The following NDOR1 variants were observed in gnomAD, a reference collection of about 807,000 sequenced individuals.
NDOR1 encodes NADPH dependent diflavin oxidoreductase 1.
Under a neutral mutation model 67.2 loss-of-function variants are expected in NDOR1, and 61 were observed. That is an observed-to-expected ratio of 0.91 (90% confidence interval 0.74 to 1.12). The LOEUF is 1.12. Among genes scored for constraint, NDOR1 ranks in the 50% most tolerant of loss-of-function variants. NDOR1 has a pLI of 0.00. For synonymous variants in NDOR1, 378 were observed against 343.7 expected (o/e 1.10, Z -1.10); for missense variants, 878 against 802.8 (o/e 1.09, Z -1.13).
rs1835593743 is a variant in NDOR1, at chr9:137,216,282, T to A, written c.1660T>A (p.Ser554Thr). The A allele has an allele frequency of 4.3e-6, 7 of 1,613,060 alleles. No individual in the cohort carries two copies. In the East Asian group the frequency reaches 1.6e-4, roughly 36 times the overall value. ...AYFYLAGNAK[S>T]MPADVSEALM... ...GACCTGCCCCTCTAGCAACGCCAAG[T>A]CCATGCCAGCGGACGTCTCGGAAGC... The change falls in exon 14 of 14, where the codon TCC becomes ACC. Residue 554 changes from serine to threonine, a missense_variant. Transcript: ENST00000684003.
chr9:137,216,361 C>T lies in NDOR1; in HGVS notation c.1739C>T (p.Ala580Val), dbSNP rs780639654. ...GGACTCTGCAGCCCGGACGCAGCCG[C>T]GTATCTAGCCAGGCTCCAGCAGACA... ...EGGLCSPDAA[A>V]YLARLQQTRR... The change falls in exon 14 of 14, where the codon GCG becomes GTG. Residue 580 changes from alanine (A) to valine (V), a missense_variant. Ala to Val is a moderately conservative substitution (Grantham distance 64, BLOSUM62 0). Coordinates refer to ENST00000684003, the MANE Select transcript of NDOR1 (RefSeq NM_014434.4). 4.2e-5 allele frequency: 67 copies of T among 1,608,700 alleles called. No individual in the cohort carries two copies. The East Asian group carries it at 8.7e-4, about 21-fold the overall frequency.
rs1322231655 is a variant in NDOR1, at chr9:137,214,047, C to T, written c.491C>T (p.Thr164Ile). 5 of 1,543,684 alleles carry T rather than the reference C, an allele frequency of 3.2e-6. No individual in the cohort carries two copies. The African/African-American group carries it at 5.5e-5, about 17-fold the overall frequency. The change falls in exon 5 of 14, where the codon ACT becomes ATT. Residue 164 changes from threonine (T) to isoleucine (I), a missense_variant. Physicochemically the swap from Thr to Ile is moderately conservative, Grantham distance 89 (BLOSUM62 -1). Transcript: ENST00000684003. Reference protein sequence around the residue: ...LGLYPPPPGLTEIPPGVPLPS... With the variant: ...LGLYPPPPGLIEIPPGVPLPS... Reference sequence around the variant, plus strand: ...CTGTACCCGCCGCCTCCGGGCCTCACTGAGATCCCTCCCGGAGTCCCGTGA... The same window carrying T: ...CTGTACCCGCCGCCTCCGGGCCTCATTGAGATCCCTCCCGGAGTCCCGTGA...
Position 137,217,150 on chromosome 9 carries a change from C to A in NDOR1, c.*734C>A. The stretch of plus-strand genomic sequence containing the variant: ...TGGGTGGGCGTCCTCTAGCTCCTCC[C>A]GGTGCCCTGGGTGCTGGGTGCTGGA... On this transcript the variant is annotated 3_prime_UTR_variant, in exon 14 of 14. Transcript: ENST00000684003. 1 of 183,744 alleles carries A rather than the reference C, an allele frequency of 5.4e-6. No individual in the cohort carries two copies. The highest frequency in any genetic ancestry group is 1.8e-4 in the East Asian group (1 of 5,428). The allele number at this position is 183,744 out of a possible 1,614,324, so 11.4% of individuals were successfully genotyped here. A position where few individuals can be genotyped will look rare whatever the true frequency, so the allele number is the denominator to read the frequency against.
chr9:137,216,531 CT>C lies in NDOR1; in HGVS notation c.*116del. On this transcript the variant is annotated 3_prime_UTR_variant, in exon 14 of 14. Transcript: ENST00000684003. ...ATCCTCTCGGACCAGCCAGCTGGTC[CT>C]CTGGGAACAGCCAGCTCCCGAGCAC... The C allele has an allele frequency of 7.3e-7, 1 of 1,369,926 alleles. No individual in the cohort carries two copies. The highest frequency in any genetic ancestry group is 9.7e-7 in the Non-Finnish European group (1 of 1,027,734). The allele number at this position is 1,369,926 out of a possible 1,614,324, so 84.9% of individuals were successfully genotyped here.
At position 137,213,708 on chromosome 9, in the gene NDOR1, C is replaced by T. The variant is rs1195515791; in HGVS notation, c.312-72C>T. 14 of 1,467,870 alleles carry T rather than the reference C, an allele frequency of 9.5e-6. No individual in the cohort carries two copies. The Middle Eastern group carries it at 5.8e-4, about 61-fold the overall frequency. The allele number at this position is 1,467,870 out of a possible 1,614,324, so 90.9% of individuals were successfully genotyped here. On this transcript the variant is annotated intron_variant, in intron 3 of 13. Transcript: ENST00000684003. ...ACTCTTCGCCCGGGCTCCACTCTCCCGGGTTCCACTCTGCCTGGGCACCAC... is the reference window on the plus strand; with the variant it reads ...ACTCTTCGCCCGGGCTCCACTCTCCTGGGTTCCACTCTGCCTGGGCACCAC...
chr9:137,206,402 C>G, intron 2 of NDOR1, 93 bp downstream of exon 2: 3 of 1,288,680 alleles, frequency 2.3e-6, no homozygotes, highest in Non-Finnish European at 2.3e-6. Flanking sequence ...AATAGCTCTC[C>G]TTTATCTCAT....
intron 8 of NDOR1, 22 bp from the exon 9 acceptor site, chr9:137,215,073 C>G (rs750816752): frequency 4.3e-5 from 69 of 1,613,450 alleles, no homozygotes; most frequent in Non-Finnish European, 5.6e-5. Context: ...GCTGCAGCCA[C>G]CCTGAGACTC....
chr9:137,214,278 A>ACCCCGGCTCTCAGGAGC lies in NDOR1; in HGVS notation c.593_609dup (p.Ser204AlafsTer13). ...GGCTCTGAGGGGCAGCGGGTAGCTC[A>ACCCCGGCTCTCAGGAGC]CCCCGGCTCTCAGGAGCCCCCGTCA... On this transcript the variant is annotated frameshift_variant, in exon 6 of 14. Transcript: ENST00000684003. LOFTEE classifies it high-confidence loss of function. The ACCCCGGCTCTCAGGAGC allele has an allele frequency of 6.2e-7, 1 of 1,613,620 alleles. No homozygotes were observed. The highest frequency in any genetic ancestry group is 8.5e-7 in the Non-Finnish European group (1 of 1,179,956).
intron 2 of NDOR1, among the ~76,000 whole-genome samples, chr9:137,206,704 C>T (rs1834988745): frequency 1.3e-5 from 2 of 152,158 alleles, no homozygotes. Context: ...GCCATATTTC[C>T]ATCCTGGCAG....
At chr9:137,206,165 C>G in intron 1 of NDOR1, 67 bp from the exon 2 acceptor site, 1 of 1,590,316 alleles carries the variant, frequency 6.3e-7, no homozygotes, top group South Asian at 1.1e-5. Flanking sequence ...AGAAGGGGGT[C>G]AAGTTTTGGG....
intron 10 of NDOR1, 42 bp from the exon 11 acceptor site, chr9:137,215,617 C>T (rs1835532080): frequency 2.5e-6 from 4 of 1,595,614 alleles, no homozygotes; most frequent in African/African-American, 1.3e-5. Flanking sequence ...AGACTCAGCA[C>T]AGGTCTTTGA....
intron 8 of NDOR1, 24 bp downstream of exon 8, chr9:137,215,042 C>T: frequency 6.2e-7 from 1 of 1,612,150 alleles, no homozygotes; most frequent in Non-Finnish European, 8.5e-7. Context: ...GCGGCAGGCC[C>T]AGCCCCTGAG....
chr9:137,208,974 G>C (rs910323642), intron 2 of NDOR1, among the ~76,000 whole-genome samples: 1 of 152,054 alleles, frequency 6.6e-6, no homozygotes, highest in Admixed American at 6.5e-5. Context: ...ACTGCCTCCC[G>C]GGTTCGCGCC....
rs1004408086 is a variant in NDOR1, at chr9:137,213,671, T to C, written c.312-109T>C. On this transcript the variant is annotated intron_variant, in intron 3 of 13. Transcript: ENST00000684003. ...TGTGTTTTCCACCCGAGGGAGGCCC[T>C]CCCCAGGCTCCACTCTTCGCCCGGG... is the stretch of plus-strand genomic sequence containing the variant. 5.3e-6 allele frequency: 6 copies of C among 1,126,062 alleles called. No individual in the cohort carries two copies. In the African/African-American group the frequency reaches 9.6e-5, roughly 18 times the overall value. The allele number at this position is 1,126,062 out of a possible 1,614,324, so 69.8% of individuals were successfully genotyped here. A position where few individuals can be genotyped will look rare whatever the true frequency, so the allele number is the denominator to read the frequency against.
At chr9:137,215,255 G>A (rs1420665970) in intron 9 of NDOR1, 53 bp downstream of exon 9, 9 of 1,570,898 alleles carry the variant, frequency 5.7e-6, no homozygotes, top group African/African-American at 2.7e-5. Context: ...AGCTGGGACC[G>A]GGGCTGTGGG....
Position 137,212,377 on chromosome 9 carries a change from G to C in NDOR1, c.214-125G>C. 1 of 788,832 alleles carries C rather than the reference G, an allele frequency of 1.3e-6. No individual in the cohort carries two copies. The highest frequency in any genetic ancestry group is 2.1e-6 in the Non-Finnish European group (1 of 468,912). 48.9% of individuals were successfully genotyped at this position (788,832 alleles called of 1,614,324 possible). A position where few individuals can be genotyped will look rare whatever the true frequency, so the allele number is the denominator to read the frequency against. On this transcript the variant is annotated intron_variant, in intron 2 of 13. Transcript: ENST00000684003. The surrounding 1 kb of genome is among the most constrained non-coding windows in gnomAD (Gnocchi z 4.3). ...CTGGGCCCTGCCTTTTGGTCAGATA[G>C]GTCCAGTTGTATTCTGCCCCCATCC... is the stretch of plus-strand genomic sequence containing the variant.
intron 3 of NDOR1, among the ~76,000 whole-genome samples, chr9:137,213,369 G>A (rs1835355307): frequency 6.6e-6 from 1 of 152,180 alleles, no homozygotes; most frequent in East Asian, 1.9e-4. Flanking sequence ...AAGAGAAACT[G>A]ACCCCCGGGA....
rs781604614 is a variant in NDOR1, at chr9:137,215,018, G to A, written c.1065G>A (p.Glu355=). 7 of 1,611,608 alleles carry A rather than the reference G, an allele frequency of 4.3e-6. No homozygotes were observed. In the South Asian group the frequency reaches 5.5e-5, roughly 13 times the overall value. ...ACCGGCCCCGCAGGACCATCCTGGA[G>A]GTGAGATGGGAGGGCGGCAGGCCCA... ...YCNRPRRTIL[E]VLCDFPHTAA... Residue 355 remains glutamate (E), a splice_region_variant and synonymous_variant, in exon 8 of 14, where the codon GAG becomes GAA. Transcript: ENST00000684003.
intron 3 of NDOR1, among the ~76,000 whole-genome samples, chr9:137,213,511 G>T (rs138531088): frequency 1.3e-5 from 2 of 152,164 alleles, no homozygotes; most frequent in African/African-American, 4.8e-5. Context: ...GGACGAGGCC[G>T]CCTGCTCCCA....
Sources: allele counts gnomAD v4.1 joint callset (sites outside exome capture counted in the v4.1 genomes callset), GRCh38; gene constraint gnomAD v4.1.1; non-coding constraint Gnocchi (gnomAD v3.1); transcripts MANE v1.5; gene names NCBI Gene and HGNC (gene_info 2026-07-23, HGNC 2026-07-21).